Variants in CACNA1D observed in about 807,000 individuals in gnomAD.
CACNA1D encodes the protein voltage-dependent L-type calcium channel subunit alpha-1D.
CACNA1D carries 55 observed loss-of-function variants against 257.1 expected under a neutral mutation model. The observed-to-expected ratio is 0.21, with a 90% CI of 0.17 to 0.27. The LOEUF is 0.27. CACNA1D is among the 10% of genes least tolerant of loss of function. The pLI is 1.00. For missense variants in CACNA1D, 1,876 were observed against 2,784.0 expected (o/e 0.67, Z 7.34); for synonymous variants, 980 against 1,014.9 (o/e 0.97, Z 0.65).
chr3:53,561,291 G>A (rs2092733768), intron 3 of CACNA1D, among the ~76,000 whole-genome samples: 1 of 152,118 alleles, frequency 6.6e-6, no homozygotes, highest in Non-Finnish European at 1.5e-5. Flanking sequence ...GTCATTGAAA[G>A]CCTTATACTT....
At chr3:53,586,222 A>G (rs539239304) in intron 3 of CACNA1D, among the ~76,000 whole-genome samples, 2 of 151,878 alleles carry the variant, frequency 1.3e-5, no homozygotes, top group South Asian at 4.2e-4. Context: ...AGCTGAAGGA[A>G]TTCATGCAGA....
chr3:53,620,051 A>G (rs974356211), intron 3 of CACNA1D, among the ~76,000 whole-genome samples: 6 of 152,202 alleles, frequency 3.9e-5, no homozygotes, highest in South Asian at 2.1e-4. Context: ...TTAAATAGCA[A>G]TGTAAGTAGG....
chr3:53,733,112 A>T, intron 19 of CACNA1D, 150 bp downstream of exon 19: 1 of 699,510 alleles, frequency 1.4e-6, no homozygotes, highest in Admixed American at 2.3e-5. Context: ...AGTCCCCTCC[A>T]ACCCCTCTCT....
At chr3:53,569,769 T>C (rs2092911594) in intron 3 of CACNA1D, among the ~76,000 whole-genome samples, 1 of 152,244 alleles carries the variant, frequency 6.6e-6, no homozygotes, top group African/African-American at 2.4e-5. Flanking sequence ...AGTAGAAAGA[T>C]CTTTGACTTT....
chr3:53,721,568 A>G lies in CACNA1D; in HGVS notation c.1506-746A>G, dbSNP rs144133484. Among the ~76,000 whole-genome samples the G allele has an allele frequency of 3.7e-4, 57 of 152,330 alleles. 1 individual carries two copies. In the East Asian group the frequency reaches 6.0e-3, roughly 16 times the overall value. On this transcript the variant is annotated intron_variant, in intron 11 of 47. Coordinates refer to ENST00000350061, the MANE Select transcript of CACNA1D (RefSeq NM_001128840.3). ...GGAGAGAATATTTTCTCTAATCACA[A>G]TCAGGAACTGAAGGTAGGTGGAGGA...
chr3:53,640,407 A>G (rs2093937331), intron 3 of CACNA1D, among the ~76,000 whole-genome samples: 1 of 152,188 alleles, frequency 6.6e-6, no homozygotes, highest in Non-Finnish European at 1.5e-5. Context: ...GACAACTAAG[A>G]CAAGATTGCT....
chr3:53,543,103 AAAG>A (rs1328046937), intron 3 of CACNA1D, among the ~76,000 whole-genome samples: 8 of 146,978 alleles, frequency 5.4e-5, no homozygotes, highest in Admixed American at 4.0e-4. Context: ...AAAAAAAAAA[AAAG>A]AACAGCAGCA....
Position 53,784,288 on chromosome 3 carries a change from C to T in CACNA1D, c.4793-2534C>T, listed in dbSNP as rs538646735. ...GCTCTCTCTCCTCCCCAGGACTCTC[C>T]TCCATCCATGACCTGGATCCTTTGC... On this transcript the variant is annotated intron_variant, in intron 39 of 47. Transcript: ENST00000350061. 1.4e-3 allele frequency among the ~76,000 whole-genome samples: 210 copies of T among 152,342 alleles called. 2 individuals carry two copies. The highest frequency in any genetic ancestry group is 4.7e-3 in the African/African-American group (194 of 41,580).
At chr3:53,686,306 C>A (rs2094473060) in intron 8 of CACNA1D, among the ~76,000 whole-genome samples, 1 of 151,978 alleles carries the variant, frequency 6.6e-6, no homozygotes, top group Non-Finnish European at 1.5e-5. Flanking sequence ...AAAATTATAC[C>A]ATCCCTAGAA....
chr3:53,748,272 G>A lies in CACNA1D; in HGVS notation c.3314+824G>A, dbSNP rs749595545. ...CCATCAGTGTGCAAACACACCTAGA[G>A]TCCTGGATACCCGGTCCCCATGCAT... On this transcript the variant is annotated intron_variant, in intron 26 of 47. Coordinates refer to ENST00000350061, the MANE Select transcript of CACNA1D (RefSeq NM_001128840.3). Among the ~76,000 whole-genome samples the A allele has an allele frequency of 2.0e-5, 3 of 152,358 alleles. No homozygotes were observed. The East Asian group carries it at 5.8e-4, about 29-fold the overall frequency.
At chr3:53,694,466 G>A (rs1353665141) in intron 8 of CACNA1D, among the ~76,000 whole-genome samples, 1 of 152,142 alleles carries the variant, frequency 6.6e-6, no homozygotes, top group African/African-American at 2.4e-5. Flanking sequence ...ACCTCCCCGT[G>A]AGCCACAGCC....
At chr3:53,542,924 T>C (rs2092330066) in intron 3 of CACNA1D, among the ~76,000 whole-genome samples, 1 of 151,942 alleles carries the variant, frequency 6.6e-6, no homozygotes, top group Non-Finnish European at 1.5e-5. Context: ...TGGTGGCGCA[T>C]GCCTGTAATC....
intron 3 of CACNA1D, among the ~76,000 whole-genome samples, chr3:53,621,144 A>T (rs2093692662): frequency 6.6e-6 from 1 of 152,168 alleles, no homozygotes; most frequent in African/African-American, 2.4e-5. Flanking sequence ...CAAGTGAGGG[A>T]AAAGAACCGA....
At chr3:53,501,825 C>G (rs975794047) in intron 3 of CACNA1D, 105 bp downstream of exon 3, 2 of 725,828 alleles carry the variant, frequency 2.8e-6, no homozygotes, top group African/African-American at 3.5e-5. Flanking sequence ...TATAGCTATG[C>G]ATGTCGTGTT....
At chr3:53,796,876 G>A (rs375687586) in intron 40 of CACNA1D, among the ~76,000 whole-genome samples, 1 of 152,054 alleles carries the variant, frequency 6.6e-6, no homozygotes. Context: ...ATATTTTATA[G>A]CAACTCTGTG....
intron 8 of CACNA1D, among the ~76,000 whole-genome samples, chr3:53,687,626 A>T (rs973288440): frequency 1.3e-5 from 2 of 152,212 alleles, no homozygotes; most frequent in African/African-American, 4.8e-5. Flanking sequence ...ATCTAATTAA[A>T]AAGCTAAACA....
intron 3 of CACNA1D, among the ~76,000 whole-genome samples, chr3:53,650,132 C>A (rs2094073296): frequency 6.6e-6 from 1 of 152,220 alleles, no homozygotes; most frequent in Admixed American, 6.5e-5. Context: ...GTCACAAGTT[C>A]AGCCGGGAGA....
At chr3:53,717,387 T>C (rs916938525) in intron 9 of CACNA1D, among the ~76,000 whole-genome samples, 4 of 147,098 alleles carry the variant, frequency 2.7e-5, no homozygotes, top group African/African-American at 9.7e-5. Flanking sequence ...CCTGCCCTCC[T>C]CCACTGCCTG....
At chr3:53,541,039 G>A (rs773618488) in intron 3 of CACNA1D, among the ~76,000 whole-genome samples, 1 of 152,126 alleles carries the variant, frequency 6.6e-6, no homozygotes, top group South Asian at 2.1e-4. Context: ...ACTGTGCGCG[G>A]CCGGCATGGT....
Sources: gnomAD v4.1 joint callset for allele counts (sites outside exome capture counted in the v4.1 genomes callset) on GRCh38, gnomAD v4.1.1 for gene constraint, MANE v1.5 for transcripts, NCBI Gene and HGNC (gene_info 2026-07-23, HGNC 2026-07-21) for gene names.